Variants in PTPRD observed in about 807,000 individuals in gnomAD.
PTPRD encodes the protein protein tyrosine phosphatase receptor type D, also known as receptor-type tyrosine-protein phosphatase delta.
In PTPRD, 34 loss-of-function variants were observed where a neutral mutation model predicts 214.5. That is an observed-to-expected ratio of 0.16 (90% CI 0.12 to 0.21). The LOEUF is 0.21. Among genes scored for constraint, PTPRD ranks in the 10% least tolerant of loss-of-function variants. The pLI is 1.00. For missense variants in PTPRD, 2,545 were observed against 2,398.7 expected, an observed-to-expected ratio of 1.06 and a Z score of -1.27; for synonymous variants, 1,128 against 845.7, an observed-to-expected ratio of 1.33 and a Z score of -5.79.
chr9:9,842,685 CT>C (rs1202578358), intron 5 of PTPRD, among the ~76,000 whole-genome samples: 1 of 113,920 alleles, frequency 8.8e-6, no homozygotes, highest in Admixed American at 8.7e-5. Flanking sequence ...TTTTTTTTTT[CT>C]TTTCCCCCCA....
At chr9:8,804,168 G>A (rs114480296) in intron 11 of PTPRD, among the ~76,000 whole-genome samples, 14 of 152,092 alleles carry the variant, frequency 9.2e-5, no homozygotes, top group African/African-American at 3.1e-4. Flanking sequence ...GGTCCGTCTG[G>A]TCTCGAACTC....
At chr9:8,876,181 A>C (rs2098387456) in intron 11 of PTPRD, among the ~76,000 whole-genome samples, 1 of 152,088 alleles carries the variant, frequency 6.6e-6, no homozygotes, top group African/African-American at 2.4e-5. Flanking sequence ...ATTCTGTACC[A>C]GGTTAATCCA....
rs551942341 is a variant in PTPRD at position 10,163,233 on chromosome 9, G to A, written c.-544-129443C>T. 1.2e-3 allele frequency among the ~76,000 whole-genome samples: 177 copies of A among 147,832 alleles called. 1 individual carries two copies. Among genetic ancestry groups the A allele is most frequent in the African/African-American group, 4.3e-3 (169 of 39,024 alleles). On this transcript the variant is annotated intron_variant, in intron 3 of 45. Coordinates refer to ENST00000381196, the MANE Select transcript of PTPRD (RefSeq NM_002839.4). Reference sequence around the variant, plus strand: ...TCAAATATATAAATTTCTCATGGAGGCCAGTTTTTACTTTTTGCTATCTTT... The same window carrying A: ...TCAAATATATAAATTTCTCATGGAGACCAGTTTTTACTTTTTGCTATCTTT...
At chr9:10,494,590 A>G (rs2041451180) in intron 2 of PTPRD, among the ~76,000 whole-genome samples, 1 of 149,700 alleles carries the variant, frequency 6.7e-6, no homozygotes, top group Non-Finnish European at 1.5e-5. Context: ...GCTGTATGTA[A>G]GGGAAGATTT....
At chr9:8,749,051 C>T (rs1396452579) in intron 11 of PTPRD, among the ~76,000 whole-genome samples, 2 of 151,542 alleles carry the variant, frequency 1.3e-5, no homozygotes, top group African/African-American at 2.4e-5. Context: ...TACTAATGAA[C>T]TAAATACATT....
At chr9:10,124,754 A>G (rs911632037) in intron 3 of PTPRD, among the ~76,000 whole-genome samples, 6 of 152,176 alleles carry the variant, frequency 3.9e-5, no homozygotes, top group Non-Finnish European at 8.8e-5. Flanking sequence ...GGCTTTGAGC[A>G]CTCTGCTCTT....
intron 11 of PTPRD, among the ~76,000 whole-genome samples, chr9:8,741,566 CTTTTTTTTTTTTTTTTTTTTT>C (rs66547770): frequency 1.5e-3 from 109 of 70,658 alleles, no homozygotes; most frequent in African/African-American, 5.8e-3. Context: ...TCAGGCATTT[CTTTTTTTTTTTTTTTTTTTTT>C]TTTTTTTTTT....
intron 12 of PTPRD, among the ~76,000 whole-genome samples, chr9:8,640,484 A>G (rs2154333761): frequency 6.6e-6 from 1 of 152,066 alleles, no homozygotes; most frequent in African/African-American, 2.4e-5. Flanking sequence ...AACCAGTTAG[A>G]ATCTATTTTA....
At chr9:10,605,882 T>C (rs2079187612) in intron 2 of PTPRD, among the ~76,000 whole-genome samples, 1 of 151,892 alleles carries the variant, frequency 6.6e-6, no homozygotes, top group African/African-American at 2.4e-5. Context: ...ATATGATTTA[T>C]GCTGCCGTAT....
chr9:9,208,302 C>A (rs2099946295), intron 9 of PTPRD, among the ~76,000 whole-genome samples: 1 of 151,638 alleles, frequency 6.6e-6, no homozygotes, highest in Non-Finnish European at 1.5e-5. Flanking sequence ...GCGTGAGCCA[C>A]CAAGCCCCGC....
At chr9:8,739,937 A>C (rs1369936801) in intron 11 of PTPRD, among the ~76,000 whole-genome samples, 1 of 152,134 alleles carries the variant, frequency 6.6e-6, no homozygotes, top group Non-Finnish European at 1.5e-5. Context: ...TTCACCCTCC[A>C]CCATGATTGT....
chr9:8,354,467 C>T (rs903040182), intron 39 of PTPRD, among the ~76,000 whole-genome samples: 7 of 152,228 alleles, frequency 4.6e-5, no homozygotes, highest in Middle Eastern at 3.4e-3. Context: ...AATGGCTATC[C>T]ACATAACTGA....
chr9:9,199,244 C>G (rs1009602828), intron 9 of PTPRD, among the ~76,000 whole-genome samples: 1 of 152,088 alleles, frequency 6.6e-6, no homozygotes, highest in Non-Finnish European at 1.5e-5. Flanking sequence ...CTATACTATT[C>G]GTGTATTATT....
chr9:10,123,653 G>A (rs1042429065), intron 3 of PTPRD, among the ~76,000 whole-genome samples: 1 of 152,140 alleles, frequency 6.6e-6, no homozygotes, highest in African/African-American at 2.4e-5. Context: ...AACGTGGGCA[G>A]ATCAATAAAA....
At chr9:9,645,244 T>G (rs2096115761) in intron 7 of PTPRD, among the ~76,000 whole-genome samples, 1 of 152,152 alleles carries the variant, frequency 6.6e-6, no homozygotes, top group African/African-American at 2.4e-5. Context: ...TTGGGTGAGT[T>G]ACTTAAGTCA....
At chr9:10,136,152 A>T (rs2098941612) in intron 3 of PTPRD, among the ~76,000 whole-genome samples, 1 of 151,994 alleles carries the variant, frequency 6.6e-6, no homozygotes, top group Non-Finnish European at 1.5e-5. Context: ...ACATTACATA[A>T]CAATAAAATA....
At chr9:9,669,089 T>C (rs886953805) in intron 7 of PTPRD, among the ~76,000 whole-genome samples, 9 of 152,138 alleles carry the variant, frequency 5.9e-5, no homozygotes, top group African/African-American at 1.9e-4. Context: ...TAGTTCTACT[T>C]TTTTTATTAT....
At chr9:10,410,967 G>T (rs1249544168) in intron 2 of PTPRD, among the ~76,000 whole-genome samples, 1 of 151,620 alleles carries the variant, frequency 6.6e-6, no homozygotes. Flanking sequence ...AATAATATGG[G>T]GCTGAGTTTT....
At chr9:9,441,011 C>G (rs536829981) in intron 8 of PTPRD, among the ~76,000 whole-genome samples, 1 of 152,296 alleles carries the variant, frequency 6.6e-6, no homozygotes, top group East Asian at 1.9e-4. Flanking sequence ...AGTTCCAGAG[C>G]TGAAATGTCC....
Sources: allele counts gnomAD v4.1 joint callset (sites outside exome capture counted in the v4.1 genomes callset), GRCh38; gene constraint gnomAD v4.1.1; transcripts MANE v1.5; gene names NCBI Gene and HGNC (gene_info 2026-07-23, HGNC 2026-07-21).